GREM2: variants seen among roughly 807,000 people sequenced by gnomAD.
The protein encoded by GREM2 is gremlin 2, DAN family BMP antagonist, also known as gremlin-2.
GREM2 carries 11 observed loss-of-function variants against 14.2 expected under a neutral mutation model. The observed-to-expected ratio is 0.78, with a 90% CI of 0.49 to 1.28. GREM2 has a LOEUF of 1.28. GREM2 is among the 50% of genes most tolerant of loss of function. The pLI is 0.00. For synonymous variants in GREM2, 98 were observed against 97.6 expected (o/e 1.00, Z -0.02); for missense variants, 210 against 218.5 (o/e 0.96, Z 0.24).
At chr1:240,602,805 C>G (rs917772428) in intron 1 of GREM2, among the ~76,000 whole-genome samples, 7 of 138,060 alleles carry the variant, frequency 5.1e-5, no homozygotes, top group African/African-American at 1.9e-4. Flanking sequence ...CAGAGCGAGA[C>G]TGATCTCAAA....
intron 1 of GREM2, among the ~76,000 whole-genome samples, chr1:240,596,253 T>C (rs1002065567): frequency 6.6e-6 from 1 of 152,340 alleles, no homozygotes; most frequent in South Asian, 2.1e-4. Context: ...ATAAGTGTTA[T>C]GTAGGTCTTA....
At chr1:240,545,963 T>C (rs868382296) in intron 1 of GREM2, among the ~76,000 whole-genome samples, 1 of 152,198 alleles carries the variant, frequency 6.6e-6, no homozygotes, top group Non-Finnish European at 1.5e-5. Flanking sequence ...TAAATAATGT[T>C]TAATACAGAA....
At chr1:240,521,530 C>T (rs1310365546) in intron 1 of GREM2, among the ~76,000 whole-genome samples, 5 of 151,944 alleles carry the variant, frequency 3.3e-5, no homozygotes, top group African/African-American at 4.8e-5. Flanking sequence ...GAGATGGCAC[C>T]ACTGCACTCC....
chr1:240,606,482 C>T (rs1022686430), intron 1 of GREM2, among the ~76,000 whole-genome samples: 1 of 152,102 alleles, frequency 6.6e-6, no homozygotes, highest in Admixed American at 6.6e-5. Flanking sequence ...CAACAAACAC[C>T]ACTGTAATCA....
intron 1 of GREM2, among the ~76,000 whole-genome samples, chr1:240,500,837 C>T (rs1316730185): frequency 1.3e-5 from 2 of 152,044 alleles, no homozygotes; most frequent in Non-Finnish European, 2.9e-5. Context: ...TTATTTATGC[C>T]CATCTGTTAG....
chr1:240,522,359 T>C (rs1017593359), intron 1 of GREM2, among the ~76,000 whole-genome samples: 10 of 152,090 alleles, frequency 6.6e-5, no homozygotes, highest in South Asian at 2.1e-4. Flanking sequence ...CAAGTCCCCA[T>C]TGAATGCTTT....
intron 1 of GREM2, among the ~76,000 whole-genome samples, chr1:240,602,687 A>G (rs1679948456): frequency 1.3e-5 from 2 of 151,676 alleles, no homozygotes; most frequent in Admixed American, 1.3e-4. Flanking sequence ...ATGGTGACAG[A>G]GCCTGTAATC....
intron 1 of GREM2, among the ~76,000 whole-genome samples, chr1:240,559,195 G>A (rs1678998582): frequency 6.6e-6 from 1 of 152,076 alleles, no homozygotes; most frequent in South Asian, 2.1e-4. Context: ...CAGTGCACTT[G>A]GATCTTTTAC....
chr1:240,534,692 C>CAAAAA (rs5782153), intron 1 of GREM2, among the ~76,000 whole-genome samples: 4 of 115,360 alleles, frequency 3.5e-5, no homozygotes, highest in Non-Finnish European at 4.0e-5. Flanking sequence ...GACTCCATCT[C>CAAAAA]AAAAAAAAAA....
chr1:240,582,003 G>A (rs1168075723), intron 1 of GREM2, among the ~76,000 whole-genome samples: 1 of 152,206 alleles, frequency 6.6e-6, no homozygotes, highest in Non-Finnish European at 1.5e-5. Context: ...ATGCACGATT[G>A]CTGGGCCCCA....
intron 1 of GREM2, among the ~76,000 whole-genome samples, chr1:240,511,172 C>T (rs2185285): frequency 0.42 from 63,743 of 151,940 alleles, 13,451 homozygotes; most frequent in Middle Eastern, 0.52. Context: ...ATTAGTTTCT[C>T]ACTAACAGAT....
At chr1:240,557,170 TA>T (rs200102958) in intron 1 of GREM2, among the ~76,000 whole-genome samples, 16 of 139,378 alleles carry the variant, frequency 1.1e-4, no homozygotes, top group East Asian at 6.2e-4. Context: ...TCTGTCTCCA[TA>T]AAAAAAAAAC....
chr1:240,611,509 C>T (rs1254057614), intron 1 of GREM2, among the ~76,000 whole-genome samples: 4 of 151,964 alleles, frequency 2.6e-5, no homozygotes, highest in African/African-American at 4.8e-5. Flanking sequence ...GTTCGTAGCC[C>T]GCTTTCTAAC....
intron 1 of GREM2, among the ~76,000 whole-genome samples, chr1:240,511,026 A>G (rs577261150): frequency 5.3e-5 from 8 of 152,254 alleles, no homozygotes; most frequent in Non-Finnish European, 1.0e-4. Flanking sequence ...TCTAACACGT[A>G]TATGTGTTCA....
At chr1:240,577,728 G>A (rs1342516750) in intron 1 of GREM2, among the ~76,000 whole-genome samples, 2 of 152,206 alleles carry the variant, frequency 1.3e-5, no homozygotes, top group Non-Finnish European at 2.9e-5. Flanking sequence ...CTAGTTTACA[G>A]TATTAGCGAT....
At chr1:240,553,780 T>G (rs2103341220) in intron 1 of GREM2, among the ~76,000 whole-genome samples, 1 of 152,352 alleles carries the variant, frequency 6.6e-6, no homozygotes, top group South Asian at 2.1e-4. Context: ...CTTTACAGAC[T>G]TTGGTTATCT....
At chr1:240,563,067 A>T (rs1214276440) in intron 1 of GREM2, among the ~76,000 whole-genome samples, 1 of 140,578 alleles carries the variant, frequency 7.1e-6, no homozygotes, top group South Asian at 2.3e-4. Context: ...GTGAGTGTGT[A>T]TGTGTGTATA....
intron 1 of GREM2, among the ~76,000 whole-genome samples, chr1:240,586,974 C>A (rs533823554): frequency 6.6e-6 from 1 of 152,244 alleles, no homozygotes; most frequent in South Asian, 2.1e-4. Flanking sequence ...GGAGAGAATT[C>A]TTGGAAATAT....
At chr1:240,502,839 C>T (rs1461838994) in intron 1 of GREM2, among the ~76,000 whole-genome samples, 3 of 152,224 alleles carry the variant, frequency 2.0e-5, no homozygotes, top group Non-Finnish European at 4.4e-5. Context: ...CCTTTCTACA[C>T]ACCGTGGAGT....
Sources: allele counts gnomAD v4.1 joint callset (sites outside exome capture counted in the v4.1 genomes callset), GRCh38; gene constraint gnomAD v4.1.1; transcripts MANE v1.5; gene names NCBI Gene and HGNC (gene_info 2026-07-23, HGNC 2026-07-21).